Variants in RIPOR3 observed in about 807,000 individuals in gnomAD.
RIPOR3 encodes RIPOR family member 3, also known as family with sequence similarity 65 member C.
Under a neutral mutation model 114.3 loss-of-function variants are expected in RIPOR3, and 95 were observed. That is an observed-to-expected ratio of 0.83 (90% CI 0.70 to 0.99). The LOEUF (loss-of-function observed/expected upper bound fraction) is 0.99, where lower values mean the gene tolerates loss of function less well. Among genes scored for constraint, RIPOR3 ranks in the 50% least tolerant of loss-of-function variants. RIPOR3 has a pLI of 0.00. For missense variants in RIPOR3, 1,252 were observed against 1,266.9 expected (o/e 0.99, Z 0.18); for synonymous variants, 575 against 543.8 (o/e 1.06, Z -0.80).
At chr20:50,611,034 TC>T (rs2083960048) in intron 5 of RIPOR3, 128 bp from the exon 6 acceptor site, 1 of 727,016 alleles carries the variant, frequency 1.4e-6, no homozygotes. Context: ...TGAGGAAGGC[TC>T]ATCGCAGAGA....
chr20:50,637,106 C>A (rs6126053), intron 1 of RIPOR3, among the ~76,000 whole-genome samples: 1 of 152,174 alleles, frequency 6.6e-6, no homozygotes, highest in African/African-American at 2.4e-5. Flanking sequence ...CTCTGGGAAC[C>A]AGTTCGCCTG....
chr20:50,587,999 T>C, intron 20 of RIPOR3, 107 bp from the exon 21 acceptor site: 1 of 996,742 alleles, frequency 1.0e-6, no homozygotes, highest in Non-Finnish European at 1.5e-6. Flanking sequence ...CTCTGGGGCC[T>C]CAGCCCCTTC....
intron 4 of RIPOR3, among the ~76,000 whole-genome samples, chr20:50,613,680 TA>T: frequency 6.6e-6 from 1 of 152,166 alleles, no homozygotes; most frequent in East Asian, 1.9e-4. Context: ...TGGGAGCAGC[TA>T]AAACATACAA....
Position 50,594,673 on chromosome 20 carries a change from A to G in RIPOR3, c.2092T>C (p.Trp698Arg), listed in dbSNP as rs755514506. 1.2e-6 allele frequency: 2 copies of G among 1,613,422 alleles called. No individual in the cohort carries two copies. The highest frequency in any genetic ancestry group is 2.2e-5 in the South Asian group (2 of 91,076). ...CTGCCAGGCCCTGTGCACCCTCTCCACAGCTTCAGGCACCCCTTCGTCCGC... is the reference window on the plus strand; with the variant it reads ...CTGCCAGGCCCTGTGCACCCTCTCCGCAGCTTCAGGCACCCCTTCGTCCGC... ...ASRTKGCLKL[W>R]RGCTGPGRVL... Residue 698 changes from tryptophan to arginine, a missense_variant, in exon 17 of 22, where the codon TGG becomes CGG. Trp to Arg is a moderately radical substitution (Grantham distance 101). Coordinates refer to ENST00000327979, the MANE Select transcript of RIPOR3 (RefSeq NM_001290268.2).
chr20:50,601,908 C>T (rs2083507923), intron 13 of RIPOR3, among the ~76,000 whole-genome samples, 164 bp downstream of exon 13: 1 of 152,252 alleles, frequency 6.6e-6, no homozygotes, highest in African/African-American at 2.4e-5. Flanking sequence ...GTTATCCCCG[C>T]TTGCCAGATG....
chr20:50,685,928 T>C (rs534962830), intron 1 of RIPOR3, among the ~76,000 whole-genome samples: 1 of 151,732 alleles, frequency 6.6e-6, no homozygotes, highest in East Asian at 1.9e-4. Flanking sequence ...AGGACACCTG[T>C]TGGTTGAAAG....
intron 2 of RIPOR3, 89 bp downstream of exon 2, chr20:50,630,649 G>T: frequency 8.7e-7 from 1 of 1,146,508 alleles, no homozygotes; most frequent in Non-Finnish European, 1.2e-6. Context: ...TCGGGTCTCT[G>T]GCAGCAGGAG....
At chr20:50,611,716 A>G (rs1196885840) in intron 4 of RIPOR3, among the ~76,000 whole-genome samples, 1 of 152,198 alleles carries the variant, frequency 6.6e-6, no homozygotes, top group African/African-American at 2.4e-5. Flanking sequence ...GGTGCGACCA[A>G]CACAAATAAT....
At chr20:50,686,317 G>A (rs1187794502) in intron 1 of RIPOR3, among the ~76,000 whole-genome samples, 2 of 151,962 alleles carry the variant, frequency 1.3e-5, no homozygotes, top group Non-Finnish European at 2.9e-5. Context: ...CGGCCTCCCA[G>A]AGTGCTGGGA....
chr20:50,613,214 G>A (rs1002186715), intron 4 of RIPOR3, among the ~76,000 whole-genome samples: 2 of 152,124 alleles, frequency 1.3e-5, no homozygotes, highest in East Asian at 1.9e-4. Context: ...TTGGGAGGCC[G>A]AGGTGAGTGG....
In RIPOR3 at chr20:50,602,116, G is replaced by A. The variant is rs755147742; in HGVS notation, c.1615C>T (p.Arg539Trp). 1.2e-5 allele frequency: 19 copies of A among 1,603,716 alleles called. No individual in the cohort carries two copies. The highest frequency in any genetic ancestry group is 6.8e-5 in the Admixed American group (4 of 58,842). Residue 539 changes from arginine (R) to tryptophan (W), a missense_variant, in exon 13 of 22, where the codon CGG becomes TGG. Physicochemically the swap from Arg to Trp is moderately radical, Grantham distance 101. Coordinates refer to ENST00000327979, the MANE Select transcript of RIPOR3 (RefSeq NM_001290268.2). The surrounding 1 kb of genome is among the most constrained non-coding windows in gnomAD (Gnocchi z 4.3). ...CCGAGGACCTGGTACTCCAGCTCCCGGAGCTGGGGCTGGGTGGAGTCCGTG... is the reference window on the plus strand; with the variant it reads ...CCGAGGACCTGGTACTCCAGCTCCCAGAGCTGGGGCTGGGTGGAGTCCGTG... ...RPTDSTQPQLRELEYQVLGFR... is the reference protein window; with the variant it reads ...RPTDSTQPQLWELEYQVLGFR...
intron 1 of RIPOR3, among the ~76,000 whole-genome samples, chr20:50,660,447 A>G (rs2085954835): frequency 2.0e-5 from 3 of 152,092 alleles, no homozygotes; most frequent in Admixed American, 2.0e-4. Context: ...ATAATAACCC[A>G]CTCTCACAGC....
At chr20:50,629,699 C>T (rs1008800934) in intron 2 of RIPOR3, among the ~76,000 whole-genome samples, 3 of 152,250 alleles carry the variant, frequency 2.0e-5, no homozygotes, top group African/African-American at 4.8e-5. Context: ...CCCTGCCTCC[C>T]TCGTGGTTCC....
chr20:50,610,826 C>T, intron 6 of RIPOR3, 27 bp downstream of exon 6: 2 of 1,614,142 alleles, frequency 1.2e-6, no homozygotes, highest in Non-Finnish European at 1.7e-6. Context: ...CCCCACCCCA[C>T]CCTGCAACAT....
Position 50,649,684 on chromosome 20 carries a change from A to G in RIPOR3, c.4-18828T>C, listed in dbSNP as rs867959306. Among the ~76,000 whole-genome samples the G allele has an allele frequency of 2.0e-5, 3 of 150,994 alleles. No homozygotes were observed. The Middle Eastern group carries it at 0.01, about 524-fold the overall frequency. On this transcript the variant is annotated intron_variant, in intron 1 of 21. Coordinates refer to ENST00000327979, the MANE Select transcript of RIPOR3 (RefSeq NM_001290268.2). ...ATTGCTTTTCCTGCTTAATGAGGTG[A>G]GGTTCGCTCAGCCCAGTGGCAATTC...
At chr20:50,599,501 C>T (rs2083422901) in intron 13 of RIPOR3, among the ~76,000 whole-genome samples, 1 of 152,210 alleles carries the variant, frequency 6.6e-6, no homozygotes, top group African/African-American at 2.4e-5. Context: ...CACATTTTCT[C>T]TGTAAGGTAT....
At chr20:50,668,783 G>T (rs1463823262) in intron 1 of RIPOR3, among the ~76,000 whole-genome samples, 2 of 151,986 alleles carry the variant, frequency 1.3e-5, no homozygotes, top group Non-Finnish European at 2.9e-5. Flanking sequence ...CTTGAACCTG[G>T]ATGGCAGAGG....
At chr20:50,598,309 C>T (rs2083371390) in intron 13 of RIPOR3, among the ~76,000 whole-genome samples, 1 of 152,072 alleles carries the variant, frequency 6.6e-6, no homozygotes, top group African/African-American at 2.4e-5. Flanking sequence ...CGCCACTGGT[C>T]AAGTCACCAG....
chr20:50,685,441 T>G (rs964439824), intron 1 of RIPOR3, among the ~76,000 whole-genome samples: 1 of 150,298 alleles, frequency 6.7e-6, no homozygotes, highest in African/African-American at 2.4e-5. Flanking sequence ...TGTCTTGAAC[T>G]CCTGACCTCG....
Sources: gnomAD v4.1 joint callset for allele counts (sites outside exome capture counted in the v4.1 genomes callset) on GRCh38, gnomAD v4.1.1 for gene constraint, Gnocchi (gnomAD v3.1) non-coding constraint, MANE v1.5 for transcripts, NCBI Gene and HGNC (gene_info 2026-07-23, HGNC 2026-07-21) for gene names.